ADGRL2: variants seen among roughly 807,000 people sequenced by gnomAD.
ADGRL2 encodes the protein calcium-independent alpha-latrotoxin receptor 2.
Under a neutral mutation model 157.4 loss-of-function variants are expected in ADGRL2, and 44 were observed. The observed-to-expected ratio is 0.28, with a 90% CI of 0.22 to 0.36. The LOEUF (loss-of-function observed/expected upper bound fraction) is 0.36, where lower values mean the gene tolerates loss of function less well. ADGRL2 is among the 10% of genes least tolerant of loss of function. The probability of loss-of-function intolerance (pLI) is 1.00; values close to 1 mark genes in which losing one functional copy is unlikely to be tolerated. For missense variants in ADGRL2, 1,510 were observed against 1,768.9 expected, an observed-to-expected ratio of 0.85 and a Z score of 2.63; for synonymous variants, 585 against 624.7, an observed-to-expected ratio of 0.94 and a Z score of 0.95.
intron 2 of ADGRL2, among the ~76,000 whole-genome samples, chr1:81,491,869 CAG>C (rs1417948491): frequency 6.6e-6 from 1 of 152,218 alleles, no homozygotes; most frequent in East Asian, 1.9e-4. Context: ...TCCTTGTAAA[CAG>C]GGTTGTCCAA....
At chr1:81,987,668 T>TA (rs1167322427) in intron 22 of ADGRL2, among the ~76,000 whole-genome samples, 14 of 151,676 alleles carry the variant, frequency 9.2e-5, no homozygotes, top group Non-Finnish European at 1.6e-4. Flanking sequence ...ATATATTTAA[T>TA]ATTAACAGAA....
chr1:81,353,449 G>A (rs765352736), intron 1 of ADGRL2, among the ~76,000 whole-genome samples: 2 of 152,138 alleles, frequency 1.3e-5, no homozygotes, highest in Non-Finnish European at 2.9e-5. Flanking sequence ...GGGCCTCAGA[G>A]CACACCAGAA....
intron 2 of ADGRL2, among the ~76,000 whole-genome samples, chr1:81,454,550 C>G (rs1393196036): frequency 6.6e-6 from 1 of 152,166 alleles, no homozygotes; most frequent in Non-Finnish European, 1.5e-5. Flanking sequence ...CAGAACATTT[C>G]AGACTTAGCC....
At position 81,561,279 on chromosome 1, in the gene ADGRL2, T is replaced by A. The variant is rs112362498; in HGVS notation, c.-247-19597T>A. On this transcript the variant is annotated intron_variant, in intron 2 of 24. Coordinates refer to the ADGRL2 transcript ENST00000370721. ...GAATTTAAGCTCAAGATAGTGGGAT[T>A]TTAGTGATTTTGTTCACCGATATAA... is the stretch of plus-strand genomic sequence containing the variant. Among the ~76,000 whole-genome samples the A allele has an allele frequency of 7.3e-3, 1,113 of 152,252 alleles. 22 individuals carry two copies. Among genetic ancestry groups the A allele is most frequent in the African/African-American group, 0.026 (1,066 of 41,544 alleles).
chr1:81,365,339 C>G (rs572403242), intron 1 of ADGRL2, among the ~76,000 whole-genome samples: 11 of 152,070 alleles, frequency 7.2e-5, no homozygotes, highest in Admixed American at 7.2e-4. Flanking sequence ...TAAAAAGTTG[C>G]CAAAGTGTAG....
rs58043778 is a variant in ADGRL2, at chr1:81,691,880, G to GTATATATATATATATATATA, written c.-142-69916_-142-69915insATATATATATATATATATAT. On this transcript the variant is annotated intron_variant, in intron 3 of 24. Transcript: ENST00000370721. ...TATATATATATGGGTGTGTGTGTGT[G>GTATATATATATATATATATA]TATATATATATATATGTATGTGTAT... Among the ~76,000 whole-genome samples the GTATATATATATATATATATA allele has an allele frequency of 7.7e-4, 92 of 119,856 alleles. 1 individual carries two copies. Among genetic ancestry groups the GTATATATATATATATATATA allele is most frequent in the African/African-American group, 2.5e-3 (84 of 33,108 alleles). The allele number at this position is 119,856 out of a possible 152,430, so 78.6% of individuals were successfully genotyped here.
At chr1:81,636,843 T>C (rs962777196) in intron 3 of ADGRL2, among the ~76,000 whole-genome samples, 1 of 152,190 alleles carries the variant, frequency 6.6e-6, no homozygotes, top group African/African-American at 2.4e-5. Flanking sequence ...TTAGAGTTTG[T>C]TGTTGGTGTT....
intron 2 of ADGRL2, among the ~76,000 whole-genome samples, chr1:81,785,382 C>T (rs1448184906): frequency 6.6e-6 from 1 of 151,972 alleles, no homozygotes; most frequent in African/African-American, 2.4e-5. Flanking sequence ...GGATTTTAAG[C>T]TAATAATAAA....
chr1:81,719,339 G>T (rs1043225729), intron 1 of ADGRL2, among the ~76,000 whole-genome samples: 1 of 152,124 alleles, frequency 6.6e-6, no homozygotes, highest in Non-Finnish European at 1.5e-5. Flanking sequence ...AATTTGCTAT[G>T]AATTAAAGCT....
At chr1:81,504,196 C>T (rs1057143736) in intron 2 of ADGRL2, among the ~76,000 whole-genome samples, 2 of 151,994 alleles carry the variant, frequency 1.3e-5, no homozygotes, top group East Asian at 1.9e-4. Flanking sequence ...TCTCTGGCCG[C>T]CCCCCCAAAC....
At chr1:81,859,797 AT>A (rs2093332828) in intron 2 of ADGRL2, among the ~76,000 whole-genome samples, 1 of 152,182 alleles carries the variant, frequency 6.6e-6, no homozygotes, top group African/African-American at 2.4e-5. Context: ...AAATAAAAGT[AT>A]TTTTAAGGAC....
chr1:81,667,336 T>C (rs975300950), intron 3 of ADGRL2, among the ~76,000 whole-genome samples: 1 of 152,236 alleles, frequency 6.6e-6, no homozygotes, highest in Non-Finnish European at 1.5e-5. Context: ...AAACTGCTTA[T>C]AACACTTTTT....
chr1:81,794,615 T>C (rs965518301), intron 2 of ADGRL2, among the ~76,000 whole-genome samples: 2 of 152,224 alleles, frequency 1.3e-5, no homozygotes, highest in African/African-American at 2.4e-5. Flanking sequence ...CTTTGAGATA[T>C]GAATGACATT....
intron 20 of ADGRL2, 140 bp from the exon 21 acceptor site, chr1:81,985,119 A>G: frequency 2.0e-6 from 1 of 505,482 alleles, no homozygotes; most frequent in South Asian, 3.5e-5. Context: ...TTAGTTTTAG[A>G]CCAGAAAAAA....
At chr1:81,632,576 G>C (rs999040351) in intron 3 of ADGRL2, among the ~76,000 whole-genome samples, 2 of 152,098 alleles carry the variant, frequency 1.3e-5, no homozygotes, top group South Asian at 2.1e-4. Flanking sequence ...GGCTAACATG[G>C]TGAAACCCCG....
At position 81,990,670 on chromosome 1, in the gene ADGRL2, T is replaced by C; in HGVS notation, c.3935T>C (p.Val1312Ala). The change falls in exon 24 of 24, where the codon GTG becomes GCG. Residue 1312 changes from valine (V) to alanine (A), a missense_variant. Physicochemically the swap from Val to Ala is moderately conservative, Grantham distance 64 (BLOSUM62 0). Transcript: ENST00000686636. ...GGSSSEDDAI[V>A]ADASSLMHSD... Reference sequence around the variant, plus strand: ...AGCAGCAGTGAAGATGATGCTATTGTGGCAGATGCTTCATCTTTAATGCAC... The same window carrying C: ...AGCAGCAGTGAAGATGATGCTATTGCGGCAGATGCTTCATCTTTAATGCAC... The C allele has an allele frequency of 8.1e-6, 13 of 1,614,198 alleles. No individual in the cohort carries two copies. Among genetic ancestry groups the C allele is most frequent in the Non-Finnish European group, 1.1e-5 (13 of 1,180,028 alleles).
chr1:81,857,361 A>G (rs2093237428), intron 2 of ADGRL2, among the ~76,000 whole-genome samples: 1 of 152,190 alleles, frequency 6.6e-6, no homozygotes, highest in Non-Finnish European at 1.5e-5. Context: ...ATATATGTAA[A>G]AAGGAAATGA....
At chr1:81,433,769 C>T (rs540531639) in intron 1 of ADGRL2, among the ~76,000 whole-genome samples, 7 of 152,136 alleles carry the variant, frequency 4.6e-5, no homozygotes, top group Non-Finnish European at 7.4e-5. Flanking sequence ...CTCACTTTTC[C>T]GTGGATTGAC....
At chr1:81,309,843 T>C (rs1571247) in intron 1 of ADGRL2, among the ~76,000 whole-genome samples, 1 of 151,878 alleles carries the variant, frequency 6.6e-6, no homozygotes, top group East Asian at 1.9e-4. Flanking sequence ...TCTCTTTATA[T>C]GTTTAAAATT....
Sources: gnomAD v4.1 joint callset for allele counts (sites outside exome capture counted in the v4.1 genomes callset) on GRCh38, gnomAD v4.1.1 for gene constraint, MANE v1.5 for transcripts, NCBI Gene and HGNC (gene_info 2026-07-23, HGNC 2026-07-21) for gene names.